Variants in NPRL3 observed in about 807,000 individuals in gnomAD.
NPRL3 encodes NPR3 like, GATOR1 complex subunit.
In NPRL3, 23 loss-of-function variants were observed where a neutral mutation model predicts 57.2. The ratio of observed to expected loss-of-function variants is 0.40; its 90% confidence interval spans 0.29 to 0.57. The LOEUF (loss-of-function observed/expected upper bound fraction) is 0.57, where lower values mean the gene tolerates loss of function less well. Among genes scored for constraint, NPRL3 ranks in the 20% least tolerant of loss-of-function variants. The pLI, the probability that NPRL3 is intolerant of heterozygous loss-of-function variation, is 0.42. For missense variants in NPRL3, 691 were observed against 767.1 expected (o/e 0.90, Z 1.17); for synonymous variants, 333 against 321.1 (o/e 1.04, Z -0.39).
Position 138,658 on chromosome 16 carries a change from G to C in NPRL3, c.-84C>G, listed in dbSNP as rs759493114. 5.9e-4 allele frequency: 123 copies of C among 208,624 alleles called. No homozygotes were observed. The highest frequency in any genetic ancestry group is 9.0e-4 in the Non-Finnish European group (91 of 100,966). The allele number at this position is 208,624 out of a possible 1,614,324, so 12.9% of individuals were successfully genotyped here. A position where few individuals can be genotyped will look rare whatever the true frequency, so the allele number is the denominator to read the frequency against. On this transcript the variant is annotated 5_prime_UTR_variant, in exon 1 of 14. Coordinates refer to ENST00000611875, the MANE Select transcript of NPRL3 (RefSeq NM_001077350.3). ...GTTACCAACCCACGTGCCACGCTCC[G>C]GGCTCGCGAGACTTCGGCGACACCG...
chr16:86,782 C>T lies in NPRL3; in HGVS notation c.1633G>A (p.Asp545Asn). The T allele has an allele frequency of 6.2e-7, 1 of 1,607,734 alleles. No individual in the cohort carries two copies. Among genetic ancestry groups the T allele is most frequent in the East Asian group, 2.2e-5 (1 of 44,578 alleles). ...ACCACCAGCACGCTGCGGAACTTGT[C>T]AAACAGCATGAGCAGCTGGGAGCGC... ...TRRSQLLMLF[D>N]KFRSVLVVTT... Residue 545 changes from aspartate (D) to asparagine (N), a missense_variant, in exon 14 of 14, where the codon GAC becomes AAC. Asp to Asn is a conservative substitution (Grantham distance 23). Transcript: ENST00000611875.
chr16:116,834 G>A (rs1396446381), intron 5 of NPRL3, among the ~76,000 whole-genome samples: 6 of 149,084 alleles, frequency 4.0e-5, no homozygotes, highest in Admixed American at 3.4e-4. Context: ...AATTAGCTGG[G>A]CGTGGTGGCG....
At chr16:97,711 G>C (rs1426654926) in intron 9 of NPRL3, among the ~76,000 whole-genome samples, 1 of 151,022 alleles carries the variant, frequency 6.6e-6, no homozygotes, top group Non-Finnish European at 1.5e-5. Flanking sequence ...AAGGCCACCA[G>C]GTTAGGTCTC....
rs147856805 is a variant in NPRL3 at position 101,106 on chromosome 16, C to CACT, written c.630-600_630-598dup. Reference sequence around the variant, plus strand: ...CGTACCCTGTCCTGGGGACTCAGTGCACTAGAGGCACTCTAACTCAGGCCC... The same window carrying CACT: ...CGTACCCTGTCCTGGGGACTCAGTGCACTACTAGAGGCACTCTAACTCAGGCCC... On this transcript the variant is annotated intron_variant, in intron 7 of 13. Coordinates refer to ENST00000611875, the MANE Select transcript of NPRL3 (RefSeq NM_001077350.3). Among the ~76,000 whole-genome samples, 1,078 of 152,158 alleles carry CACT rather than the reference C, an allele frequency of 7.1e-3. 14 individuals carry two copies. Among genetic ancestry groups the CACT allele is most frequent in the Admixed American group, 0.025 (381 of 15,282 alleles).
At chr16:123,476 C>A (rs1275218745) in intron 3 of NPRL3, 1 of 470,650 alleles carries the variant, frequency 2.1e-6, no homozygotes, top group Non-Finnish European at 4.4e-6. Flanking sequence ...GGAATCAAGA[C>A]AGAAAGACGG....
At chr16:115,782 G>A (rs7185768) in intron 5 of NPRL3, among the ~76,000 whole-genome samples, 57,684 of 152,118 alleles carry the variant, frequency 0.38, 11,979 homozygotes, top group Non-Finnish European at 0.48. Flanking sequence ...ATTTGTGCTC[G>A]GCTCCGGTTG....
At position 88,876 on chromosome 16, in the gene NPRL3, T is replaced by A; in HGVS notation, c.1366A>T (p.Met456Leu). ...TCCATGCTGGGGCTGGTGAGGGTCATGTCATCGCTGCTGGCTGTGGGGGAC... is the reference window on the plus strand; with the variant it reads ...TCCATGCTGGGGCTGGTGAGGGTCAAGTCATCGCTGCTGGCTGTGGGGGAC... ...SFGSPTSSDD[M>L]TLTSPSMDNS... Residue 456 changes from methionine to leucine, a missense_variant, in exon 13 of 14, where the codon ATG becomes TTG. Coordinates refer to ENST00000611875, the MANE Select transcript of NPRL3 (RefSeq NM_001077350.3). 2 of 1,611,122 alleles carry A rather than the reference T, an allele frequency of 1.2e-6. No homozygotes were observed. The highest frequency in any genetic ancestry group is 1.7e-6 in the Non-Finnish European group (2 of 1,177,586).
chr16:134,662 T>G (rs1348262851), intron 2 of NPRL3, among the ~76,000 whole-genome samples: 1 of 151,068 alleles, frequency 6.6e-6, no homozygotes, highest in Admixed American at 6.6e-5. Flanking sequence ...ACCTTACGGA[T>G]AGTATAACAT....
At chr16:138,074 G>C (rs1156661175) in intron 2 of NPRL3, 76 bp downstream of exon 2, 13 of 1,084,426 alleles carry the variant, frequency 1.2e-5, no homozygotes, top group East Asian at 2.6e-5. Flanking sequence ...AGCTCCGCGA[G>C]GCGGCCCTGG....
chr16:97,410 A>ATTTTTT (rs34410203), intron 9 of NPRL3, among the ~76,000 whole-genome samples: 2 of 115,084 alleles, frequency 1.7e-5, no homozygotes, highest in Non-Finnish European at 1.7e-5. Context: ...ACACCCAGCT[A>ATTTTTT]TTTTTTTTTT....
intron 3 of NPRL3, among the ~76,000 whole-genome samples, chr16:126,799 C>G (rs537233304): frequency 2.0e-5 from 3 of 152,174 alleles, no homozygotes; most frequent in Admixed American, 2.0e-4. Context: ...TATCCATTTT[C>G]TTTTCTCATA....
At chr16:106,629 T>TA (rs763058746) in intron 7 of NPRL3, among the ~76,000 whole-genome samples, 16,683 of 60,320 alleles carry the variant, frequency 0.28, 2,971 homozygotes, top group East Asian at 0.41. Context: ...TGCCTTAAAT[T>TA]AAAAAAAAAA....
chr16:112,082 T>C (rs1242722656), intron 6 of NPRL3, among the ~76,000 whole-genome samples: 1 of 152,244 alleles, frequency 6.6e-6, no homozygotes, highest in Non-Finnish European at 1.5e-5. Flanking sequence ...AACTGGAAAC[T>C]GTCCACCTCA....
intron 2 of NPRL3, among the ~76,000 whole-genome samples, chr16:135,032 T>C (rs1488221387): frequency 6.6e-6 from 1 of 152,038 alleles, no homozygotes; most frequent in Non-Finnish European, 1.5e-5. Context: ...AACCTACACA[T>C]AGATCATTGG....
rs537865916 is a variant in NPRL3, at chr16:111,083, G to A, written c.548-477C>T. Among the ~76,000 whole-genome samples, 14 of 152,082 alleles carry A rather than the reference G, an allele frequency of 9.2e-5. 1 individual carries two copies. Among genetic ancestry groups the A allele is most frequent in the African/African-American group, 3.4e-4 (14 of 41,446 alleles). On this transcript the variant is annotated intron_variant, in intron 6 of 13. Coordinates refer to ENST00000611875, the MANE Select transcript of NPRL3 (RefSeq NM_001077350.3). ...CACAATTATAATTAGTATATAATTG[G>A]CCAAAACAGAAACATATTATAAATT...
At chr16:93,065 T>C (rs1898831127) in intron 10 of NPRL3, 154 bp downstream of exon 10, 1 of 650,164 alleles carries the variant, frequency 1.5e-6, no homozygotes, top group Non-Finnish European at 2.7e-6. Flanking sequence ...CTGGGTATGC[T>C]AGTGGCCAGG....
At chr16:125,104 T>C (rs541586056) in intron 3 of NPRL3, 12 of 159,402 alleles carry the variant, frequency 7.5e-5, no homozygotes, top group South Asian at 7.4e-4. Context: ...AAAACCTTTA[T>C]TTTCCTCTGC....
intron 11 of NPRL3, chr16:91,231 T>G (rs1353707032): frequency 6.6e-6 from 1 of 151,448 alleles, no homozygotes; most frequent in Admixed American, 6.6e-5. Flanking sequence ...TACAAAAAAT[T>G]AGCCAGGCGT....
intron 3 of NPRL3, among the ~76,000 whole-genome samples, chr16:123,788 C>A (rs1835702421): frequency 1.3e-5 from 2 of 148,928 alleles, no homozygotes; most frequent in South Asian, 4.3e-4. Flanking sequence ...TCACACACTC[C>A]CCACGCTGAG....
Sources: gnomAD v4.1 joint callset for allele counts (sites outside exome capture counted in the v4.1 genomes callset) on GRCh38, gnomAD v4.1.1 for gene constraint, MANE v1.5 for transcripts, NCBI Gene and HGNC (gene_info 2026-07-23, HGNC 2026-07-21) for gene names.